The following AMBRA1 variants were observed in gnomAD, a reference collection of about 807,000 sequenced individuals.
AMBRA1 encodes autophagy and beclin 1 regulator 1, also known as activating molecule in BECN1-regulated autophagy protein 1.
A neutral mutation model predicts 125.4 loss-of-function variants in AMBRA1; 47 were observed. The observed-to-expected ratio is 0.37, with a 90% CI of 0.30 to 0.48. The LOEUF (loss-of-function observed/expected upper bound fraction) is 0.48. Ranked by LOEUF, AMBRA1 falls within the 20% of genes least tolerant of loss-of-function variation. AMBRA1 has a pLI of 0.99. For missense variants in AMBRA1, 1,331 were observed against 1,693.4 expected, an observed-to-expected ratio of 0.79 and a Z score of 3.76; for synonymous variants, 626 against 655.5, an observed-to-expected ratio of 0.95 and a Z score of 0.69.
chr11:46,544,817 GC>G (rs1226583184), intron 5 of AMBRA1, among the ~76,000 whole-genome samples: 5 of 152,168 alleles, frequency 3.3e-5, no homozygotes, highest in African/African-American at 1.2e-4. Context: ...TTAGTCAGCT[GC>G]TTAGAAAGCA....
At chr11:46,419,681 C>G (rs1474842594) in intron 14 of AMBRA1, among the ~76,000 whole-genome samples, 1 of 152,002 alleles carries the variant, frequency 6.6e-6, no homozygotes, top group Non-Finnish European at 1.5e-5. Flanking sequence ...TTACCTGCCC[C>G]CAGGGTTGAT....
intron 11 of AMBRA1, among the ~76,000 whole-genome samples, chr11:46,492,207 GCCAGGC>G (rs1427437315): frequency 6.6e-6 from 1 of 152,198 alleles, no homozygotes; most frequent in Middle Eastern, 3.2e-3. Flanking sequence ...CTGCTCTCCT[GCCAGGC>G]CAGAGCCTAT....
chr11:46,515,036 T>C (rs1217223382), intron 7 of AMBRA1, among the ~76,000 whole-genome samples: 1 of 152,216 alleles, frequency 6.6e-6, no homozygotes, highest in Non-Finnish European at 1.5e-5. Flanking sequence ...AGCAGCTGAC[T>C]ATCCTAGAAT....
intron 11 of AMBRA1, among the ~76,000 whole-genome samples, chr11:46,480,451 T>C (rs1278737181): frequency 6.6e-6 from 1 of 152,080 alleles, no homozygotes; most frequent in African/African-American, 2.4e-5. Flanking sequence ...TGGGGGTGGT[T>C]TGTTCAGCAG....
intron 11 of AMBRA1, among the ~76,000 whole-genome samples, chr11:46,471,488 G>C (rs1384624311): frequency 4.0e-5 from 6 of 151,798 alleles, no homozygotes; most frequent in African/African-American, 1.5e-4. Context: ...TGAAGCAGGA[G>C]AATGGGGTAA....
chr11:46,452,068 T>C (rs1488331973), intron 11 of AMBRA1, among the ~76,000 whole-genome samples: 1 of 151,830 alleles, frequency 6.6e-6, no homozygotes, highest in African/African-American at 2.4e-5. Context: ...CTAAAAGCCA[T>C]TGAAATGTAT....
chr11:46,436,707 T>G (rs984699254), intron 12 of AMBRA1, among the ~76,000 whole-genome samples: 2 of 152,206 alleles, frequency 1.3e-5, no homozygotes, highest in African/African-American at 2.4e-5. Context: ...GATCAACACA[T>G]GAATCCAGCT....
At chr11:46,456,715 C>T (rs988436397) in intron 11 of AMBRA1, among the ~76,000 whole-genome samples, 34 of 152,134 alleles carry the variant, frequency 2.2e-4, no homozygotes, top group African/African-American at 4.8e-4. Context: ...AGGAGGGAAA[C>T]GACCTTTATT....
chr11:46,471,205 G>A (rs1949572069), intron 11 of AMBRA1, among the ~76,000 whole-genome samples: 1 of 152,138 alleles, frequency 6.6e-6, no homozygotes, highest in African/African-American at 2.4e-5. Flanking sequence ...ACTTTGGGAG[G>A]CTCGGGCGGG....
At chr11:46,565,913 C>G (rs2043514292) in intron 1 of AMBRA1, among the ~76,000 whole-genome samples, 1 of 152,034 alleles carries the variant, frequency 6.6e-6, no homozygotes, top group African/African-American at 2.4e-5. Context: ...GCTGCGCCCA[C>G]AGGTGTGTGC....
chr11:46,591,692 T>C (rs1028610581), intron 1 of AMBRA1, among the ~76,000 whole-genome samples: 1 of 151,822 alleles, frequency 6.6e-6, no homozygotes, highest in Non-Finnish European at 1.5e-5. Context: ...CCATCTCTAC[T>C]AAAAATACAA....
At chr11:46,480,586 C>G (rs1950023157) in intron 11 of AMBRA1, among the ~76,000 whole-genome samples, 1 of 152,150 alleles carries the variant, frequency 6.6e-6, no homozygotes, top group African/African-American at 2.4e-5. Context: ...AAGCAACTGG[C>G]AGTTTTTTGT....
intron 7 of AMBRA1, among the ~76,000 whole-genome samples, chr11:46,520,544 G>A (rs767208717): frequency 1.3e-5 from 2 of 151,002 alleles, no homozygotes; most frequent in Non-Finnish European, 2.9e-5. Flanking sequence ...GACTCCTCCA[G>A]CCAGAAGTTC....
chr11:46,423,848 C>T (rs1412517183), intron 14 of AMBRA1, among the ~76,000 whole-genome samples: 2 of 147,312 alleles, frequency 1.4e-5, no homozygotes, highest in Non-Finnish European at 3.0e-5. Flanking sequence ...ACCACAATCT[C>T]TGCCTCCTGG....
intron 11 of AMBRA1, among the ~76,000 whole-genome samples, chr11:46,469,749 C>G (rs566257289): frequency 6.6e-6 from 1 of 151,886 alleles, no homozygotes; most frequent in Admixed American, 6.6e-5. Context: ...ACTGCAGCCT[C>G]GAACTCCTGG....
At chr11:46,459,513 C>A (rs532359190) in intron 11 of AMBRA1, among the ~76,000 whole-genome samples, 2 of 152,168 alleles carry the variant, frequency 1.3e-5, no homozygotes, top group East Asian at 3.9e-4. Flanking sequence ...GAGTTCGAGA[C>A]CAGCCTGGCC....
At chr11:46,564,144 CAA>C (rs563596004) in intron 1 of AMBRA1, among the ~76,000 whole-genome samples, 2 of 38,142 alleles carry the variant, frequency 5.2e-5, no homozygotes, top group Admixed American at 2.7e-4. Context: ...AACTCCGTCT[CAA>C]AAAAAAAAAA....
In AMBRA1 at chr11:46,542,997, G is replaced by A; in HGVS notation, c.1020C>T (p.Ser340=). ...AGGGCTCGGTCTGTACAAAAGAAAA[G>A]GAAGGGGTAGTAGCTCTGGCAGAAG... is the stretch of plus-strand genomic sequence containing the variant. ...PPASARATTP[S]FSFVQTEPFH... Residue 340 remains serine, a synonymous_variant, in exon 7 of 18, where the codon TCC becomes TCT. Coordinates refer to ENST00000683756, the MANE Select transcript of AMBRA1 (RefSeq NM_001387011.1). This position sits in a 1 kb window ranked among gnomAD's most constrained non-coding sequence, Gnocchi z 5.9. 1.2e-6 allele frequency: 2 copies of A among 1,601,096 alleles called. No individual in the cohort carries two copies. The highest frequency in any genetic ancestry group is 1.7e-6 in the Non-Finnish European group (2 of 1,179,936).
chr11:46,550,949 T>C (rs925148636), intron 1 of AMBRA1, among the ~76,000 whole-genome samples: 1 of 122,582 alleles, frequency 8.2e-6, no homozygotes, highest in Non-Finnish European at 1.7e-5. Flanking sequence ...AAAAAAAAAA[T>C]AGCCAGACGT....
Sources: gnomAD v4.1 joint callset for allele counts (sites outside exome capture counted in the v4.1 genomes callset) on GRCh38, gnomAD v4.1.1 for gene constraint, Gnocchi (gnomAD v3.1) non-coding constraint, MANE v1.5 for transcripts, NCBI Gene and HGNC (gene_info 2026-07-23, HGNC 2026-07-21) for gene names.